The following TNKS variants were observed in gnomAD, a reference collection of about 807,000 sequenced individuals.
TNKS encodes the protein poly [ADP-ribose] polymerase tankyrase-1.
In TNKS, 72 loss-of-function variants were observed where a neutral mutation model predicts 135.8. That is an observed-to-expected ratio of 0.53 (90% CI 0.44 to 0.64). TNKS has a LOEUF of 0.64. TNKS is among the 30% of genes least tolerant of loss of function. The pLI, the probability that TNKS is intolerant of heterozygous loss-of-function variation, is 0.00. For synonymous variants in TNKS, 849 were observed against 649.3 expected, an observed-to-expected ratio of 1.31 and a Z score of -4.68; for missense variants, 1,769 against 1,674.0, an observed-to-expected ratio of 1.06 and a Z score of -0.99.
intron 3 of TNKS, among the ~76,000 whole-genome samples, chr8:9,641,547 C>T (rs1427078648): frequency 6.9e-6 from 1 of 145,550 alleles, no homozygotes; most frequent in African/African-American, 2.5e-5. Context: ...TTGCCTAATA[C>T]ATTGACAGAA....
chr8:9,598,627 C>T (rs1425335258), intron 2 of TNKS, among the ~76,000 whole-genome samples: 3 of 150,272 alleles, frequency 2.0e-5, no homozygotes, highest in Admixed American at 1.3e-4. Flanking sequence ...GCCAGTGATG[C>T]GGAGGTTGCA....
Position 9,752,629 on chromosome 8 carries a change from A to C in TNKS, c.3153+3A>C. On this transcript the variant is annotated splice_donor_region_variant and intron_variant, in intron 20 of 26. Transcript: ENST00000310430. ...GGGATATCTTTGAAACAGAACAGGT[A>C]AATACTCTTGTATATATTTGAGTCA... 1.9e-6 allele frequency: 3 copies of C among 1,593,368 alleles called. No individual in the cohort carries two copies. The highest frequency in any genetic ancestry group is 2.6e-6 in the Non-Finnish European group (3 of 1,162,608).
intron 2 of TNKS, among the ~76,000 whole-genome samples, chr8:9,612,346 A>C (rs1346014111): frequency 6.6e-6 from 1 of 152,166 alleles, no homozygotes; most frequent in East Asian, 1.9e-4. Context: ...ATGGATTGTA[A>C]ACAGTTCTGG....
intron 3 of TNKS, among the ~76,000 whole-genome samples, chr8:9,620,314 A>C (rs1438376481): frequency 1.3e-5 from 2 of 152,010 alleles, no homozygotes; most frequent in Non-Finnish European, 2.9e-5. Context: ...CGTACTTTCA[A>C]ATTCCCAATC....
intron 5 of TNKS, among the ~76,000 whole-genome samples, chr8:9,702,337 G>A (rs745799956): frequency 5.3e-4 from 81 of 151,494 alleles, no homozygotes; most frequent in African/African-American, 1.8e-3. Flanking sequence ...ATACACACAC[G>A]AAGAAAACTA....
intron 3 of TNKS, among the ~76,000 whole-genome samples, chr8:9,640,166 A>T (rs1800670822): frequency 6.6e-6 from 1 of 152,190 alleles, no homozygotes; most frequent in Non-Finnish European, 1.5e-5. Context: ...AGTATACCAT[A>T]GACTGGGTGA....
chr8:9,630,720 G>T (rs1357218589), intron 3 of TNKS, among the ~76,000 whole-genome samples: 1 of 152,114 alleles, frequency 6.6e-6, no homozygotes, highest in Non-Finnish European at 1.5e-5. Context: ...AGAATCACTT[G>T]TTTGCAGACT....
intron 1 of TNKS, among the ~76,000 whole-genome samples, chr8:9,564,876 AAG>A (rs1797465838): frequency 6.6e-6 from 1 of 152,228 alleles, no homozygotes; most frequent in Non-Finnish European, 1.5e-5. Context: ...ATACACGAGA[AAG>A]AAACATTCAG....
chr8:9,659,728 G>A (rs994485476), intron 3 of TNKS, among the ~76,000 whole-genome samples: 1 of 152,058 alleles, frequency 6.6e-6, no homozygotes, highest in Non-Finnish European at 1.5e-5. Context: ...CAAGAAATAA[G>A]TAAGATCAGA....
chr8:9,733,689 G>C (rs1805555284), intron 15 of TNKS, among the ~76,000 whole-genome samples: 1 of 152,142 alleles, frequency 6.6e-6, no homozygotes, highest in Non-Finnish European at 1.5e-5. Flanking sequence ...TTTAGAAAGA[G>C]CTGAAATAGT....
chr8:9,717,070 A>ATTT lies in TNKS; in HGVS notation c.1750-3303_1750-3302insTTT, dbSNP rs1242745445. 1.3e-3 allele frequency among the ~76,000 whole-genome samples: 94 copies of ATTT among 72,212 alleles called. 1 individual carries two copies. Among genetic ancestry groups the ATTT allele is most frequent in the Admixed American group, 2.6e-3 (15 of 5,686 alleles). 47.4% of individuals were successfully genotyped at this position (72,212 alleles called of 152,430 possible). ...ACCACCAAAGATAATCTGTTGTATT[A>ATTT]TAATATATATATATATATATATATA... On this transcript the variant is annotated intron_variant, in intron 11 of 26. Coordinates refer to ENST00000310430, the MANE Select transcript of TNKS (RefSeq NM_003747.3).
intron 1 of TNKS, among the ~76,000 whole-genome samples, chr8:9,576,902 A>G (rs1008172507): frequency 1.3e-5 from 2 of 152,184 alleles, no homozygotes; most frequent in African/African-American, 4.8e-5. Flanking sequence ...GAAATGTATA[A>G]AATATAAATA....
intron 3 of TNKS, among the ~76,000 whole-genome samples, chr8:9,668,517 T>G (rs1802110424): frequency 6.6e-6 from 1 of 152,226 alleles, no homozygotes; most frequent in South Asian, 2.1e-4. Context: ...TAAACTAGTT[T>G]GATATCCTTA....
At chr8:9,624,294 G>A (rs1799976291) in intron 3 of TNKS, among the ~76,000 whole-genome samples, 1 of 152,074 alleles carries the variant, frequency 6.6e-6, no homozygotes, top group Non-Finnish European at 1.5e-5. Context: ...TATTTTAAAT[G>A]GTTCTTTAAA....
chr8:9,609,634 G>C (rs1220092836), intron 2 of TNKS, among the ~76,000 whole-genome samples: 1 of 152,098 alleles, frequency 6.6e-6, no homozygotes, highest in East Asian at 1.9e-4. Flanking sequence ...TCAGTTTTCA[G>C]CTGGTAATTC....
intron 2 of TNKS, among the ~76,000 whole-genome samples, chr8:9,611,196 T>A (rs1341263901): frequency 6.6e-6 from 1 of 152,202 alleles, no homozygotes; most frequent in African/African-American, 2.4e-5. Context: ...CTGAGACGCA[T>A]TAGTAAAACA....
intron 5 of TNKS, among the ~76,000 whole-genome samples, chr8:9,698,639 AAAG>A (rs1362748845): frequency 2.0e-5 from 3 of 152,220 alleles, no homozygotes; most frequent in African/African-American, 2.4e-5. Context: ...CCAGGATTTA[AAAG>A]CCTTTATTCA....
Position 9,615,567 on chromosome 8 carries a change from G to T in TNKS, c.899-15G>T, listed in dbSNP as rs1383043519. On this transcript the variant is annotated splice_polypyrimidine_tract_variant and intron_variant, in intron 2 of 26. Coordinates refer to ENST00000310430, the MANE Select transcript of TNKS (RefSeq NM_003747.3). ...ATCCCCGAGGTAAGATACTGTTTCTGCTTTCCCTGCACAGTGCTGCTGCAG... is the reference window on the plus strand; with the variant it reads ...ATCCCCGAGGTAAGATACTGTTTCTTCTTTCCCTGCACAGTGCTGCTGCAG... The T allele has an allele frequency of 4.4e-6, 7 of 1,605,980 alleles. No homozygotes were observed. The highest frequency in any genetic ancestry group is 4.3e-6 in the Non-Finnish European group (5 of 1,175,776).
chr8:9,588,536 A>G (rs1798475692), intron 2 of TNKS, among the ~76,000 whole-genome samples: 1 of 152,198 alleles, frequency 6.6e-6, no homozygotes, highest in Non-Finnish European at 1.5e-5. Flanking sequence ...TCGGCGTTCC[A>G]AAGTGCTGGG....
Sources: allele counts gnomAD v4.1 joint callset (sites outside exome capture counted in the v4.1 genomes callset), GRCh38; gene constraint gnomAD v4.1.1; transcripts MANE v1.5; gene names NCBI Gene and HGNC (gene_info 2026-07-23, HGNC 2026-07-21).